The following XPR1 variants were observed in gnomAD, a reference collection of about 807,000 sequenced individuals.
The protein encoded by XPR1 is xenotropic and polytropic retrovirus receptor 1.
XPR1 carries 28 observed loss-of-function variants against 87.5 expected under a neutral mutation model. That is an observed-to-expected ratio of 0.32 (90% CI 0.24 to 0.44). The LOEUF (loss-of-function observed/expected upper bound fraction) is 0.44, where lower values mean the gene tolerates loss of function less well. Among genes scored for constraint, XPR1 ranks in the 20% least tolerant of loss-of-function variants. The pLI, the probability that XPR1 is intolerant of heterozygous loss-of-function variation, is 1.00. For missense variants in XPR1, 559 were observed against 862.3 expected, an observed-to-expected ratio of 0.65 and a Z score of 4.41; for synonymous variants, 300 against 306.1, an observed-to-expected ratio of 0.98 and a Z score of 0.21.
intron 1 of XPR1, among the ~76,000 whole-genome samples, chr1:180,647,355 T>G (rs1655152000): frequency 6.6e-6 from 1 of 152,230 alleles, no homozygotes; most frequent in African/African-American, 2.4e-5. Flanking sequence ...GCTTTAACAT[T>G]ATGATGGCTA....
chr1:180,679,891 G>C (rs1442003862), intron 1 of XPR1, among the ~76,000 whole-genome samples: 2 of 151,836 alleles, frequency 1.3e-5, no homozygotes, highest in African/African-American at 4.8e-5. Context: ...AAAATAAATG[G>C]GTTTATGTCA....
intron 13 of XPR1, among the ~76,000 whole-genome samples, chr1:180,877,749 A>T (rs1428156738): frequency 6.6e-6 from 1 of 152,220 alleles, no homozygotes; most frequent in East Asian, 1.9e-4. Context: ...TCTTAAAAAA[A>T]AAAGGCAAAT....
At chr1:180,805,066 A>G (rs2944261) in intron 4 of XPR1, among the ~76,000 whole-genome samples, 74,081 of 151,962 alleles carry the variant, frequency 0.49, 18,940 homozygotes, top group East Asian at 0.83. Flanking sequence ...TTTATCTTCT[A>G]TTCTTTGGGG....
intron 2 of XPR1, among the ~76,000 whole-genome samples, chr1:180,697,269 C>A (rs990495644): frequency 3.9e-5 from 6 of 151,966 alleles, no homozygotes; most frequent in Non-Finnish European, 2.9e-5. Flanking sequence ...TTAATTTGTT[C>A]ATAATAGTGT....
intron 4 of XPR1, among the ~76,000 whole-genome samples, chr1:180,805,197 T>G (rs778119132): frequency 6.6e-6 from 1 of 152,164 alleles, no homozygotes. Context: ...GATCATACAT[T>G]AAAGCATGAG....
rs555146915 is a variant in XPR1, at chr1:180,841,510, A to G, written c.1501+4794A>G. Among the ~76,000 whole-genome samples the G allele has an allele frequency of 3.3e-5, 5 of 152,292 alleles. No individual in the cohort carries two copies. In the East Asian group the frequency reaches 9.6e-4, roughly 29 times the overall value. Reference sequence around the variant, plus strand: ...CCTTAGACTCTTAACATGCTACGTAAAGGGAATTTATGATAAAATGAAATA... The same window carrying G: ...CCTTAGACTCTTAACATGCTACGTAGAGGGAATTTATGATAAAATGAAATA... On this transcript the variant is annotated intron_variant, in intron 11 of 14. Transcript: ENST00000367590.
At chr1:180,639,088 G>A (rs1030133730) in intron 1 of XPR1, among the ~76,000 whole-genome samples, 5 of 152,172 alleles carry the variant, frequency 3.3e-5, no homozygotes, top group Admixed American at 1.3e-4. Context: ...CCTGAGATCA[G>A]GAGTTCGAGA....
intron 2 of XPR1, among the ~76,000 whole-genome samples, chr1:180,735,270 CTTG>C (rs1001433768): frequency 5.3e-5 from 8 of 152,092 alleles, no homozygotes; most frequent in African/African-American, 1.9e-4. Flanking sequence ...AGATGTTTAA[CTTG>C]TTTAGACTGA....
chr1:180,697,561 C>T (rs1387402020), intron 2 of XPR1, among the ~76,000 whole-genome samples: 2 of 151,984 alleles, frequency 1.3e-5, no homozygotes, highest in Non-Finnish European at 2.9e-5. Context: ...TGAAATCCCT[C>T]TACTTGTTTG....
At chr1:180,697,896 G>A (rs1408545929) in intron 2 of XPR1, among the ~76,000 whole-genome samples, 1 of 152,028 alleles carries the variant, frequency 6.6e-6, no homozygotes, top group Non-Finnish European at 1.5e-5. Flanking sequence ...TGTTCCATAT[G>A]CTGATGAGAA....
intron 12 of XPR1, 92 bp from the exon 13 acceptor site, chr1:180,873,711 G>GT (rs1472920265): frequency 5.7e-6 from 8 of 1,404,052 alleles, no homozygotes; most frequent in Non-Finnish European, 6.8e-6. Context: ...TAGGACATGT[G>GT]TGAGTCTTGT....
At chr1:180,680,264 G>GAAAAAAGAAGTCTT in intron 1 of XPR1, among the ~76,000 whole-genome samples, 1 of 140,392 alleles carries the variant, frequency 7.1e-6, no homozygotes, top group East Asian at 2.1e-4. Context: ...AGGATGCAGA[G>GAAAAAAGAAGTCTT]AAAAAAGAAG....
chr1:180,797,834 A>G (rs1461894311), intron 3 of XPR1, among the ~76,000 whole-genome samples: 1 of 152,210 alleles, frequency 6.6e-6, no homozygotes, highest in African/African-American at 2.4e-5. Flanking sequence ...CTTAATAAAT[A>G]GAAGCATTAG....
chr1:180,832,729 G>C (rs934362643), intron 9 of XPR1, among the ~76,000 whole-genome samples: 1 of 151,918 alleles, frequency 6.6e-6, no homozygotes, highest in African/African-American at 2.4e-5. Context: ...TGAGGCCTCT[G>C]TTCTGTTCCA....
chr1:180,670,903 G>C (rs986063503), intron 1 of XPR1, among the ~76,000 whole-genome samples: 4 of 152,042 alleles, frequency 2.6e-5, no homozygotes, highest in Non-Finnish European at 5.9e-5. Flanking sequence ...TTCTCTTTTA[G>C]TACTTTGACT....
At chr1:180,786,856 A>G (rs984798959) in intron 2 of XPR1, among the ~76,000 whole-genome samples, 2 of 152,166 alleles carry the variant, frequency 1.3e-5, no homozygotes, top group African/African-American at 2.4e-5. Flanking sequence ...TTGCACAATC[A>G]TCTACTTGCC....
chr1:180,659,477 TC>T, intron 1 of XPR1, among the ~76,000 whole-genome samples: 1 of 127,972 alleles, frequency 7.8e-6, no homozygotes, highest in Non-Finnish European at 1.6e-5. Context: ...CTTCCTCCCT[TC>T]CTCCCTTCCT....
chr1:180,712,759 T>C (rs1432304528), intron 2 of XPR1, among the ~76,000 whole-genome samples: 2 of 152,062 alleles, frequency 1.3e-5, no homozygotes, highest in African/African-American at 4.8e-5. Flanking sequence ...TGAGGTGAGG[T>C]TGTGCCACTG....
At chr1:180,846,324 C>T (rs1362268003) in intron 11 of XPR1, among the ~76,000 whole-genome samples, 4 of 151,522 alleles carry the variant, frequency 2.6e-5, no homozygotes, top group African/African-American at 9.7e-5. Context: ...TAGCAATTTT[C>T]TCAATTTATA....
Sources: gnomAD v4.1 joint callset for allele counts (sites outside exome capture counted in the v4.1 genomes callset) on GRCh38, gnomAD v4.1.1 for gene constraint, MANE v1.5 for transcripts, NCBI Gene and HGNC (gene_info 2026-07-23, HGNC 2026-07-21) for gene names.